Variants in KCND2 observed in about 807,000 individuals in gnomAD.
The protein encoded by KCND2 is potassium voltage-gated channel subfamily D member 2, also known as A-type voltage-gated potassium channel KCND2.
In KCND2, 16 loss-of-function variants were observed where a neutral mutation model predicts 54.4. The ratio of observed to expected loss-of-function variants is 0.29; its 90% CI spans 0.20 to 0.45. KCND2 has a LOEUF of 0.45. KCND2 is among the 20% of genes least tolerant of loss of function. The probability of loss-of-function intolerance (pLI) is 1.00; values close to 1 mark genes in which losing one functional copy is unlikely to be tolerated. For missense variants in KCND2, 486 were observed against 824.2 expected (o/e 0.59, Z 5.02); for synonymous variants, 317 against 310.7 (o/e 1.02, Z -0.21).
intron 1 of KCND2, among the ~76,000 whole-genome samples, chr7:120,405,530 A>G (rs1451290323): frequency 6.6e-6 from 1 of 152,146 alleles, no homozygotes; most frequent in Non-Finnish European, 1.5e-5. Flanking sequence ...TAATTTTTCC[A>G]TGATGTTAGA....
chr7:120,713,164 T>C (rs1029322577), intron 1 of KCND2, among the ~76,000 whole-genome samples: 2 of 152,162 alleles, frequency 1.3e-5, no homozygotes, highest in Non-Finnish European at 2.9e-5. Context: ...CAATAAATGT[T>C]ATTTATTGTT....
intron 1 of KCND2, among the ~76,000 whole-genome samples, chr7:120,721,261 G>A (rs936334780): frequency 1.3e-5 from 2 of 152,046 alleles, no homozygotes; most frequent in African/African-American, 4.8e-5. Flanking sequence ...AACTATAGAG[G>A]TAGAGTCATG....
chr7:120,377,500 G>C (rs1459860079), intron 1 of KCND2, among the ~76,000 whole-genome samples: 1 of 151,504 alleles, frequency 6.6e-6, no homozygotes, highest in Non-Finnish European at 1.5e-5. Context: ...TCCTAGATAG[G>C]ACAGAATTTT....
chr7:120,328,923 A>G (rs895289125), intron 1 of KCND2, among the ~76,000 whole-genome samples: 9 of 152,196 alleles, frequency 5.9e-5, no homozygotes, highest in Admixed American at 2.6e-4. Flanking sequence ...TTATCTCTCT[A>G]AAGTCATTTG....
chr7:120,570,020 G>A (rs139316602), intron 1 of KCND2, among the ~76,000 whole-genome samples: 4 of 152,212 alleles, frequency 2.6e-5, no homozygotes, highest in Non-Finnish European at 4.4e-5. Context: ...AGCGCATTAA[G>A]GATATTCAGA....
chr7:120,528,213 T>C (rs1204002892), intron 1 of KCND2, among the ~76,000 whole-genome samples: 1 of 152,180 alleles, frequency 6.6e-6, no homozygotes, highest in African/African-American at 2.4e-5. Flanking sequence ...AGCTTCTTTA[T>C]AAACGACAGC....
chr7:120,614,148 G>A (rs1234871078), intron 1 of KCND2, among the ~76,000 whole-genome samples: 1 of 152,034 alleles, frequency 6.6e-6, no homozygotes, highest in African/African-American at 2.4e-5. Flanking sequence ...GAGTAGCTGG[G>A]ATTACAGGTG....
At chr7:120,341,626 A>G (rs1006320012) in intron 1 of KCND2, among the ~76,000 whole-genome samples, 1 of 152,160 alleles carries the variant, frequency 6.6e-6, no homozygotes, top group Admixed American at 6.5e-5. Flanking sequence ...CTGGTAATGG[A>G]TATGTCTATA....
Position 120,274,535 on chromosome 7 carries a change from A to G in KCND2, c.-98A>G. ...ACACCTCTGGACCACGTTTCTCACT[A>G]GTACTTTGCTTGACTGGAGGAAGTG... On this transcript the variant is annotated 5_prime_UTR_variant, in exon 1 of 6. Transcript: ENST00000331113. The G allele has an allele frequency of 1.5e-6, 2 of 1,350,740 alleles. No individual in the cohort carries two copies. Among genetic ancestry groups the G allele is most frequent in the Non-Finnish European group, 2.1e-6 (2 of 941,692 alleles). The allele number at this position is 1,350,740 out of a possible 1,614,324, so 83.7% of individuals were successfully genotyped here.
At position 120,491,798 on chromosome 7, in the gene KCND2, C is replaced by T. The variant is rs117075325; in HGVS notation, c.1115+216051C>T. 5.9e-5 allele frequency among the ~76,000 whole-genome samples: 9 copies of T among 151,752 alleles called. No homozygotes were observed. In the East Asian group the frequency reaches 1.7e-3, roughly 29 times the overall value. The stretch of plus-strand genomic sequence containing the variant: ...TATGGGAAGTTTGAAAGTGTTACTA[C>T]CTATTTATGTGATTAGTGCAATTTG... On this transcript the variant is annotated intron_variant, in intron 1 of 5. Transcript: ENST00000331113.
chr7:120,640,007 A>G (rs917044333), intron 1 of KCND2, among the ~76,000 whole-genome samples: 2 of 152,160 alleles, frequency 1.3e-5, no homozygotes, highest in Admixed American at 6.6e-5. Flanking sequence ...CTTCTGACAC[A>G]TCCATTCTGT....
intron 1 of KCND2, among the ~76,000 whole-genome samples, chr7:120,580,253 G>T (rs1792498246): frequency 6.6e-6 from 1 of 152,164 alleles, no homozygotes; most frequent in African/African-American, 2.4e-5. Flanking sequence ...TTAGTGTTTG[G>T]GAGAACAACT....
intron 1 of KCND2, among the ~76,000 whole-genome samples, chr7:120,628,734 G>A (rs917232000): frequency 6.6e-6 from 1 of 152,108 alleles, no homozygotes; most frequent in African/African-American, 2.4e-5. Context: ...TATTCCTTAA[G>A]CCCAAGTGCC....
chr7:120,394,700 A>G lies in KCND2; in HGVS notation c.1115+118953A>G, dbSNP rs117850037. ...ATTTCTCCCATGGTTAGCTAGCCCT[A>G]CACCCAGGAATAAGCAAGGGAGAGT... On this transcript the variant is annotated intron_variant, in intron 1 of 5. Coordinates refer to ENST00000331113, the MANE Select transcript of KCND2 (RefSeq NM_012281.3). Among the ~76,000 whole-genome samples, 301 of 152,096 alleles carry G rather than the reference A, an allele frequency of 2.0e-3. 7 individuals are homozygous for G. In the East Asian group the frequency reaches 0.053, roughly 27 times the overall value.
chr7:120,726,540 G>A (rs546088245), intron 1 of KCND2, among the ~76,000 whole-genome samples: 1 of 152,098 alleles, frequency 6.6e-6, no homozygotes, highest in African/African-American at 2.4e-5. Context: ...CTAACACTCT[G>A]GTCAAAGAGA....
intron 1 of KCND2, among the ~76,000 whole-genome samples, chr7:120,426,079 G>A (rs938679857): frequency 2.6e-5 from 4 of 151,748 alleles, no homozygotes; most frequent in Admixed American, 2.0e-4. Flanking sequence ...TTTTAAAAAT[G>A]AATAAGAAAA....
intron 1 of KCND2, among the ~76,000 whole-genome samples, chr7:120,502,054 C>T (rs802354): frequency 0.12 from 17,570 of 151,962 alleles, 1,590 homozygotes; most frequent in East Asian, 0.49. Context: ...ATCTTTTAGT[C>T]CCTAATGCCT....
intron 1 of KCND2, among the ~76,000 whole-genome samples, chr7:120,590,412 A>C (rs182055161): frequency 5.2e-4 from 79 of 152,282 alleles, no homozygotes; most frequent in Admixed American, 1.8e-3. Context: ...GCATGCCCCA[A>C]ATCCCTGCTG....
At chr7:120,681,643 T>C (rs1238908093) in intron 1 of KCND2, among the ~76,000 whole-genome samples, 4 of 152,078 alleles carry the variant, frequency 2.6e-5, no homozygotes, top group Admixed American at 1.3e-4. Context: ...AATTTTTATG[T>C]ATGTAAGTGA....
Sources: gnomAD v4.1 joint callset for allele counts (sites outside exome capture counted in the v4.1 genomes callset) on GRCh38, gnomAD v4.1.1 for gene constraint, MANE v1.5 for transcripts, NCBI Gene and HGNC (gene_info 2026-07-23, HGNC 2026-07-21) for gene names.